The following ADD3 variants were observed in gnomAD, a reference collection of about 807,000 sequenced individuals.
ADD3 encodes the protein gamma-adducin.
In ADD3, 25 loss-of-function variants were observed where a neutral mutation model predicts 80.2. The ratio of observed to expected loss-of-function variants is 0.31; its 90% CI spans 0.23 to 0.44. ADD3 has a LOEUF of 0.44. Ranked by LOEUF, ADD3 falls within the 20% of genes least tolerant of loss-of-function variation. ADD3 has a pLI of 1.00. For missense variants in ADD3, 829 were observed against 847.5 expected (o/e 0.98, Z 0.27); for synonymous variants, 284 against 289.6 (o/e 0.98, Z 0.20).
chr10:110,133,402 GCATGAT>G lies in ADD3; in HGVS notation c.1906_1911del (p.His636_Asp637del). ...TGGTAGTAAATGGCAAGGATGATAT[GCATGAT>G]GTTGAAGATGAGCTTGCTAAGCGAG... On this transcript the variant is annotated inframe_deletion, in exon 15 of 15. Coordinates refer to ENST00000356080, the MANE Select transcript of ADD3 (RefSeq NM_016824.5). The G allele has an allele frequency of 5.0e-6, 8 of 1,613,336 alleles. No homozygotes were observed. Among genetic ancestry groups the G allele is most frequent in the African/African-American group, 1.3e-5 (1 of 74,988 alleles).
intron 1 of ADD3, among the ~76,000 whole-genome samples, chr10:110,021,752 T>C (rs74812127): frequency 6.6e-6 from 1 of 152,032 alleles, no homozygotes; most frequent in Non-Finnish European, 1.5e-5. Context: ...GGTTTCCTTT[T>C]GAAAAGGAAA....
Position 110,035,879 on chromosome 10 carries a change from C to T in ADD3, c.-30+27580C>T, listed in dbSNP as rs118139139. ...ATCGAAGCCTATCATCTGCCAGGCG[C>T]GGTGGCTCATGCCTGTAATCCCAAC... is the stretch of plus-strand genomic sequence containing the variant. On this transcript the variant is annotated intron_variant, in intron 1 of 14. Coordinates refer to ENST00000356080, the MANE Select transcript of ADD3 (RefSeq NM_016824.5). Among the ~76,000 whole-genome samples the T allele has an allele frequency of 7.9e-4, 120 of 152,192 alleles. 1 individual carries two copies. The East Asian group carries it at 0.02, about 25-fold the overall frequency.
intron 1 of ADD3, among the ~76,000 whole-genome samples, chr10:110,051,329 T>C (rs1241355967): frequency 6.6e-6 from 1 of 152,212 alleles, no homozygotes; most frequent in Admixed American, 6.5e-5. Flanking sequence ...AAAATGTTGA[T>C]GAGGATCTGG....
At chr10:110,013,327 T>C (rs1315097983) in intron 1 of ADD3, among the ~76,000 whole-genome samples, 1 of 152,212 alleles carries the variant, frequency 6.6e-6, no homozygotes, top group Non-Finnish European at 1.5e-5. Context: ...GGTCTTGAAC[T>C]CCTGACCTCA....
At chr10:110,046,886 T>TA (rs1252679179) in intron 1 of ADD3, among the ~76,000 whole-genome samples, 1 of 146,360 alleles carries the variant, frequency 6.8e-6, no homozygotes, top group Non-Finnish European at 1.5e-5. Context: ...AATACTGTCA[T>TA]AATCCAGGAT....
rs1168317739 is a variant in ADD3, at chr10:110,024,371, A to T, written c.-30+16072A>T. Among the ~76,000 whole-genome samples, 3 of 152,226 alleles carry T rather than the reference A, an allele frequency of 2.0e-5. No homozygotes were observed. In the East Asian group the frequency reaches 5.8e-4, roughly 29 times the overall value. On this transcript the variant is annotated intron_variant, in intron 1 of 14. Coordinates refer to ENST00000356080, the MANE Select transcript of ADD3 (RefSeq NM_016824.5). Reference sequence around the variant, plus strand: ...ACCTATAATAAATTATTGCCAAAAAAAATCACATGCAGAATTATTTTTGCT... The same window carrying T: ...ACCTATAATAAATTATTGCCAAAAATAATCACATGCAGAATTATTTTTGCT...
chr10:110,116,974 G>T (rs567207706), intron 4 of ADD3, among the ~76,000 whole-genome samples: 1 of 151,980 alleles, frequency 6.6e-6, no homozygotes, highest in African/African-American at 2.4e-5. Context: ...AAGAGATTTT[G>T]TTCTCTTTCC....
upstream of ADD3, among the ~76,000 whole-genome samples, chr10:110,002,990 C>G (rs1031548995): frequency 2.0e-5 from 3 of 152,170 alleles, no homozygotes; most frequent in African/African-American, 7.2e-5. Flanking sequence ...CTGCCTTGTT[C>G]CCCAAGTACT....
intron 1 of ADD3, among the ~76,000 whole-genome samples, chr10:110,022,623 A>G (rs1853808490): frequency 6.6e-6 from 1 of 152,212 alleles, no homozygotes; most frequent in Admixed American, 6.5e-5. Context: ...TCAGTATTTT[A>G]AAGGAAGCAT....
chr10:110,092,518 T>A (rs536785225), intron 1 of ADD3, among the ~76,000 whole-genome samples: 1 of 152,254 alleles, frequency 6.6e-6, no homozygotes, highest in Admixed American at 6.5e-5. Context: ...AACTAAACAT[T>A]GAATACACAT....
chr10:110,061,805 C>T lies in ADD3; in HGVS notation c.-29-38820C>T, dbSNP rs566888641. On this transcript the variant is annotated intron_variant, in intron 1 of 14. Transcript: ENST00000356080. ...GCATCTAATTCAGTCCTCTCATTTT[C>T]ACTTGAGCAAAGTGAGTGCTAGAAA... 2.0e-5 allele frequency among the ~76,000 whole-genome samples: 3 copies of T among 152,264 alleles called. No individual in the cohort carries two copies. The South Asian group carries it at 6.2e-4, about 32-fold the overall frequency.
chr10:110,100,030 A>G (rs1439152622), intron 1 of ADD3, among the ~76,000 whole-genome samples: 5 of 151,876 alleles, frequency 3.3e-5, no homozygotes, highest in African/African-American at 4.8e-5. Context: ...TAATCTTATC[A>G]CTTTGGGAGG....
At chr10:110,061,183 G>A (rs1858841786) in intron 1 of ADD3, among the ~76,000 whole-genome samples, 1 of 152,222 alleles carries the variant, frequency 6.6e-6, no homozygotes, top group South Asian at 2.1e-4. Context: ...TGGAGCCATG[G>A]TGTTCCAGAT....
Position 110,133,734 on chromosome 10 carries a change from G to T in ADD3, c.*116G>T, listed in dbSNP as rs992631373. 8 of 837,530 alleles carry T rather than the reference G, an allele frequency of 9.6e-6. No homozygotes were observed. The highest frequency in any genetic ancestry group is 1.4e-5 in the Non-Finnish European group (8 of 591,976). The allele number at this position is 837,530 out of a possible 1,614,324, so 51.9% of individuals were successfully genotyped here. On this transcript the variant is annotated 3_prime_UTR_variant, in exon 15 of 15. Coordinates refer to ENST00000356080, the MANE Select transcript of ADD3 (RefSeq NM_016824.5). ...TCAGATTGGGGGATGTAGCAAACTG[G>T]ACTTTAAGAACTGGAAAGAGGTTTT...
chr10:110,116,175 A>T, intron 3 of ADD3, 84 bp from the exon 4 acceptor site: 1 of 1,374,836 alleles, frequency 7.3e-7, no homozygotes, highest in Non-Finnish European at 1.0e-6. Context: ...GGATACTCCC[A>T]GACGCAGGCT....
In ADD3 at chr10:110,133,714, T is replaced by C; in HGVS notation, c.*96T>C. On this transcript the variant is annotated 3_prime_UTR_variant, in exon 15 of 15. Coordinates refer to ENST00000356080, the MANE Select transcript of ADD3 (RefSeq NM_016824.5). ...CATTAATATGCAATGGTAGATCAGA[T>C]TGGGGGATGTAGCAAACTGGACTTT... 2.8e-6 allele frequency: 3 copies of C among 1,057,180 alleles called. No homozygotes were observed. Among genetic ancestry groups the C allele is most frequent in the Non-Finnish European group, 3.9e-6 (3 of 778,894 alleles). 65.5% of individuals were successfully genotyped at this position (1,057,180 alleles called of 1,614,324 possible).
At chr10:110,032,887 T>A (rs1392355372) in intron 1 of ADD3, among the ~76,000 whole-genome samples, 2 of 152,160 alleles carry the variant, frequency 1.3e-5, no homozygotes, top group African/African-American at 4.8e-5. Flanking sequence ...GAGGAAAAAA[T>A]TTGTACCCAA....
chr10:110,023,543 CT>C (rs1853935760), intron 1 of ADD3, among the ~76,000 whole-genome samples: 1 of 152,196 alleles, frequency 6.6e-6, no homozygotes, highest in Non-Finnish European at 1.5e-5. Context: ...TATATAGTCA[CT>C]GAGGGTCGAA....
At position 110,130,428 on chromosome 10, in the gene ADD3, A is replaced by G. The variant is rs15947; in HGVS notation, c.1674A>G (p.Thr558=). The change falls in exon 13 of 15, where the codon ACA becomes ACG. Residue 558 remains threonine (T), a synonymous_variant. Coordinates refer to ENST00000356080, the MANE Select transcript of ADD3 (RefSeq NM_016824.5). ...CTCCTAACCCATTTAGTCATCTCAC[A>G]GAAGGAGAACTTGAAGAGTATAAGA... ...PAPPNPFSHL[T]EGELEEYKRT... The G allele has an allele frequency of 3.7e-6, 6 of 1,613,978 alleles. No homozygotes were observed. The highest frequency in any genetic ancestry group is 5.1e-6 in the Non-Finnish European group (6 of 1,179,922).
Sources: gnomAD v4.1 joint callset for allele counts (sites outside exome capture counted in the v4.1 genomes callset) on GRCh38, gnomAD v4.1.1 for gene constraint, MANE v1.5 for transcripts, NCBI Gene and HGNC (gene_info 2026-07-23, HGNC 2026-07-21) for gene names.